The following FBLN2 variants were observed in gnomAD, a reference collection of about 807,000 sequenced individuals.
FBLN2 encodes the protein fibulin-2.
In FBLN2, 81 loss-of-function variants were observed where a neutral mutation model predicts 123.7. That is an observed-to-expected ratio of 0.65 (90% CI 0.55 to 0.79). FBLN2 has a LOEUF of 0.79. FBLN2 is among the 30% of genes least tolerant of loss of function. FBLN2 has a pLI of 0.00. For synonymous variants in FBLN2, 699 were observed against 701.4 expected (o/e 1.00, Z 0.05); for missense variants, 1,603 against 1,681.3 (o/e 0.95, Z 0.81).
Position 13,552,804 on chromosome 3 carries a change from G to A in FBLN2, c.-42+3596G>A, listed in dbSNP as rs115047425. On this transcript the variant is annotated intron_variant, in intron 1 of 17. Coordinates refer to ENST00000404922, the MANE Select transcript of FBLN2 (RefSeq NM_001004019.2). ...TATGAAACCCTTTGCCAGGGAGTGT[G>A]CCCAGGGCCTTGGATTCTCTTCATC... 2.7e-3 allele frequency among the ~76,000 whole-genome samples: 405 copies of A among 152,238 alleles called. 1 individual carries two copies. Among genetic ancestry groups the A allele is most frequent in the African/African-American group, 9.2e-3 (382 of 41,534 alleles).
intron 2 of FBLN2, among the ~76,000 whole-genome samples, chr3:13,579,036 C>T (rs1186235887): frequency 6.6e-6 from 1 of 152,146 alleles, no homozygotes; most frequent in Non-Finnish European, 1.5e-5. Flanking sequence ...GCCTGGGCAG[C>T]AAGAGTGAAA....
At chr3:13,572,283 G>A (rs916326140) in intron 2 of FBLN2, among the ~76,000 whole-genome samples, 1 of 152,204 alleles carries the variant, frequency 6.6e-6, no homozygotes, top group African/African-American at 2.4e-5. Context: ...GAGGTGGTGG[G>A]GCCACACCAG....
At chr3:13,575,771 C>T (rs1334124279) in intron 2 of FBLN2, among the ~76,000 whole-genome samples, 2 of 152,162 alleles carry the variant, frequency 1.3e-5, no homozygotes, top group African/African-American at 4.8e-5. Context: ...AGCCTGGCTG[C>T]ATGCCCTCCC....
chr3:13,597,252 T>G (rs1463345273), intron 2 of FBLN2, among the ~76,000 whole-genome samples: 3 of 152,180 alleles, frequency 2.0e-5, no homozygotes, highest in African/African-American at 7.2e-5. Context: ...TTTAAAAGAC[T>G]CTTTTAGTCT....
At chr3:13,561,423 A>AC (rs950692453) in intron 1 of FBLN2, among the ~76,000 whole-genome samples, 10 of 142,550 alleles carry the variant, frequency 7.0e-5, no homozygotes, top group East Asian at 2.3e-4. Flanking sequence ...GTGTGTCCCC[A>AC]CCCCCCCGCC....
chr3:13,595,752 G>A (rs913992349), intron 2 of FBLN2, among the ~76,000 whole-genome samples: 1 of 152,208 alleles, frequency 6.6e-6, no homozygotes, highest in Non-Finnish European at 1.5e-5. Flanking sequence ...TGGCTAGAGC[G>A]GTCATGACCT....
rs180793375 is a variant in FBLN2 at position 13,607,217 on chromosome 3, A to G, written c.1307-845A>G. On this transcript the variant is annotated intron_variant, in intron 2 of 17. Coordinates refer to ENST00000404922, the MANE Select transcript of FBLN2 (RefSeq NM_001004019.2). ...TGGCCAGGCTGGTCTTGAACTCCTG[A>G]CCTCGTGATCTGCCCGCCTCAGCCT... 6.1e-3 allele frequency among the ~76,000 whole-genome samples: 917 copies of G among 149,794 alleles called. 9 individuals carry two copies. The highest frequency in any genetic ancestry group is 0.02 in the African/African-American group (824 of 40,514).
At chr3:13,553,909 G>A (rs947716003) in intron 1 of FBLN2, among the ~76,000 whole-genome samples, 3 of 152,208 alleles carry the variant, frequency 2.0e-5, no homozygotes, top group East Asian at 1.9e-4. Context: ...AATCGGGGGC[G>A]CCCCCCTGGC....
chr3:13,552,760 G>C (rs374674657), intron 1 of FBLN2, among the ~76,000 whole-genome samples: 1 of 152,034 alleles, frequency 6.6e-6, no homozygotes, highest in Admixed American at 6.5e-5. Context: ...TGGAGTTGGC[G>C]TTCCTGCTTT....
chr3:13,613,077 A>G (rs889244433), intron 4 of FBLN2, among the ~76,000 whole-genome samples: 1 of 151,910 alleles, frequency 6.6e-6, no homozygotes, highest in Non-Finnish European at 1.5e-5. Flanking sequence ...TGCTCCCTGC[A>G]GTGTCTCAAC....
rs757035039 is a variant in FBLN2, at chr3:13,570,986, G to C, written c.631G>C (p.Ala211Pro). ...QEVAEVEAAT[A>P]LGGEVQAGAV... is the part of the protein sequence containing the mutation. ...GGTGGCCGAGGTGGAAGCAGCAACAGCCCTGGGGGGTGAGGTCCAGGCGGG... is the reference window on the plus strand; with the variant it reads ...GGTGGCCGAGGTGGAAGCAGCAACACCCCTGGGGGGTGAGGTCCAGGCGGG... Residue 211 changes from alanine (A) to proline (P), a missense_variant, in exon 2 of 18, where the codon GCC (alanine) becomes CCC (proline). Coordinates refer to ENST00000404922, the MANE Select transcript of FBLN2 (RefSeq NM_001004019.2). 1 of 1,608,396 alleles carries C rather than the reference G, an allele frequency of 6.2e-7. No homozygotes were observed. Among genetic ancestry groups the C allele is most frequent in the Non-Finnish European group, 8.5e-7 (1 of 1,177,674 alleles).
intron 1 of FBLN2, among the ~76,000 whole-genome samples, chr3:13,563,579 C>T (rs1703667019): frequency 6.6e-6 from 1 of 152,214 alleles, no homozygotes; most frequent in South Asian, 2.1e-4. Context: ...AGCGCTCTCC[C>T]CCGACAGACC....
At chr3:13,610,370 C>T (rs763500933) in intron 4 of FBLN2, among the ~76,000 whole-genome samples, 12 of 152,024 alleles carry the variant, frequency 7.9e-5, no homozygotes, top group Non-Finnish European at 1.5e-4. Flanking sequence ...TTGTGGGGAC[C>T]GGTTATTGAG....
intron 1 of FBLN2, among the ~76,000 whole-genome samples, chr3:13,567,041 T>C (rs1322628838): frequency 6.6e-6 from 1 of 152,210 alleles, no homozygotes; most frequent in Non-Finnish European, 1.5e-5. Context: ...ATCATTGCCC[T>C]GGGCCTGGAG....
At chr3:13,578,393 C>A (rs553072617) in intron 2 of FBLN2, among the ~76,000 whole-genome samples, 2 of 152,146 alleles carry the variant, frequency 1.3e-5, no homozygotes, top group Non-Finnish European at 2.9e-5. Context: ...AGGAATCTTC[C>A]TTCTGAGTCT....
At chr3:13,609,074 C>T (rs961139403) in intron 3 of FBLN2, among the ~76,000 whole-genome samples, 4 of 152,208 alleles carry the variant, frequency 2.6e-5, no homozygotes, top group South Asian at 2.1e-4. Context: ...CCGTAATCCC[C>T]GCCGCCCTGT....
At chr3:13,591,360 G>A (rs548609281) in intron 2 of FBLN2, among the ~76,000 whole-genome samples, 22 of 152,202 alleles carry the variant, frequency 1.4e-4, no homozygotes, top group Middle Eastern at 3.2e-3. Context: ...TGAATTCATT[G>A]CAAATGTTGT....
intron 3 of FBLN2, 98 bp from the exon 4 acceptor site, chr3:13,609,415 G>A: frequency 7.3e-7 from 1 of 1,372,974 alleles, no homozygotes; most frequent in South Asian, 1.6e-5. Context: ...CCTTGCTGTG[G>A]ACCTTGGGCA....
chr3:13,571,989 G>A (rs939070556), intron 2 of FBLN2, among the ~76,000 whole-genome samples: 1 of 152,210 alleles, frequency 6.6e-6, no homozygotes, highest in Non-Finnish European at 1.5e-5. Context: ...TCCTGCCTCA[G>A]CCCGGTAGGC....
Sources: allele counts gnomAD v4.1 joint callset (sites outside exome capture counted in the v4.1 genomes callset), GRCh38; gene constraint gnomAD v4.1.1; transcripts MANE v1.5; gene names NCBI Gene and HGNC (gene_info 2026-07-23, HGNC 2026-07-21).